NEK7: variants seen among roughly 807,000 people sequenced by gnomAD.
NEK7 encodes serine/threonine-protein kinase Nek7.
A neutral mutation model predicts 44.6 loss-of-function variants in NEK7; 18 were observed. The observed-to-expected ratio is 0.40, with a 90% CI of 0.28 to 0.60. The LOEUF is 0.60. NEK7 is among the 20% of genes least tolerant of loss of function. The pLI, the probability that NEK7 is intolerant of heterozygous loss-of-function variation, is 0.38. For synonymous variants in NEK7, 130 were observed against 121.1 expected, an observed-to-expected ratio of 1.07 and a Z score of -0.48; for missense variants, 256 against 366.5, an observed-to-expected ratio of 0.70 and a Z score of 2.46.
intron 7 of NEK7, among the ~76,000 whole-genome samples, chr1:198,287,583 T>A (rs74385033): frequency 0.028 from 4,244 of 152,302 alleles, 196 homozygotes; most frequent in African/African-American, 0.096. Flanking sequence ...CATTTACTTT[T>A]CAAGGGAGAA....
chr1:198,286,068 C>G (rs1654358178), intron 7 of NEK7, among the ~76,000 whole-genome samples: 1 of 152,118 alleles, frequency 6.6e-6, no homozygotes, highest in Admixed American at 6.5e-5. Flanking sequence ...GCAGTTATCC[C>G]TGCTGGACTT....
At chr1:198,280,100 A>T (rs1035481207) in intron 7 of NEK7, among the ~76,000 whole-genome samples, 2 of 152,042 alleles carry the variant, frequency 1.3e-5, no homozygotes, top group African/African-American at 4.8e-5. Flanking sequence ...ATTTATTTTC[A>T]TAGAGCGTTA....
At chr1:198,178,690 TTG>T (rs1664674698) in intron 1 of NEK7, among the ~76,000 whole-genome samples, 2 of 144,692 alleles carry the variant, frequency 1.4e-5, no homozygotes, top group East Asian at 2.0e-4. Flanking sequence ...CCATTTTTTG[TTG>T]TTGTTGTTGT....
chr1:198,314,048 TC>T (rs972178032), intron 9 of NEK7, among the ~76,000 whole-genome samples: 50 of 152,138 alleles, frequency 3.3e-4, no homozygotes, highest in Non-Finnish European at 6.2e-4. Flanking sequence ...GGTTCCATTC[TC>T]CCCGTCACTT....
intron 1 of NEK7, among the ~76,000 whole-genome samples, chr1:198,186,506 A>G (rs1234343325): frequency 2.0e-5 from 3 of 152,188 alleles, no homozygotes; most frequent in Non-Finnish European, 2.9e-5. Context: ...GATTGCCTAC[A>G]TAACTAGCTA....
chr1:198,306,623 A>G (rs533710639), intron 9 of NEK7, among the ~76,000 whole-genome samples: 2 of 152,234 alleles, frequency 1.3e-5, no homozygotes, highest in Admixed American at 1.3e-4. Flanking sequence ...ATTCATTAAA[A>G]GAAGAAGGTG....
chr1:198,179,800 T>A (rs1217338634), intron 1 of NEK7, among the ~76,000 whole-genome samples: 1 of 44,096 alleles, frequency 2.3e-5, no homozygotes, highest in East Asian at 0.021. Flanking sequence ...TACACAGGAG[T>A]GTGTGTGTGT....
At chr1:198,313,911 TTG>T (rs1308403090) in intron 9 of NEK7, among the ~76,000 whole-genome samples, 1 of 152,094 alleles carries the variant, frequency 6.6e-6, no homozygotes, top group Non-Finnish European at 1.5e-5. Flanking sequence ...ATTATGTGTC[TTG>T]GAGTTGCTCT....
chr1:198,222,590 C>T (rs1666101751), intron 1 of NEK7, among the ~76,000 whole-genome samples: 1 of 152,124 alleles, frequency 6.6e-6, no homozygotes, highest in East Asian at 1.9e-4. Context: ...TTTTCCATCA[C>T]CCACCATATC....
intron 9 of NEK7, among the ~76,000 whole-genome samples, chr1:198,303,816 T>C (rs1429675932): frequency 6.6e-6 from 1 of 152,248 alleles, no homozygotes; most frequent in South Asian, 2.1e-4. Flanking sequence ...AACCATGTAA[T>C]CAAATGCTGA....
At chr1:198,250,887 A>C (rs936920646) in intron 2 of NEK7, among the ~76,000 whole-genome samples, 4 of 151,886 alleles carry the variant, frequency 2.6e-5, no homozygotes, top group African/African-American at 9.7e-5. Context: ...TCTCCTGCCT[A>C]ATTGCCCTGG....
intron 1 of NEK7, among the ~76,000 whole-genome samples, chr1:198,178,217 GA>G (rs1186782653): frequency 6.6e-6 from 1 of 151,994 alleles, no homozygotes; most frequent in African/African-American, 2.4e-5. Flanking sequence ...CTAAATAAGA[GA>G]AAGAACAACT....
chr1:198,257,619 A>T (rs1488245792), intron 3 of NEK7, among the ~76,000 whole-genome samples: 1 of 152,166 alleles, frequency 6.6e-6, no homozygotes, highest in Non-Finnish European at 1.5e-5. Context: ...TCCAATTGTT[A>T]TTTGAATAAA....
intron 1 of NEK7, among the ~76,000 whole-genome samples, chr1:198,175,717 C>T (rs1664585716): frequency 6.6e-6 from 1 of 152,142 alleles, no homozygotes; most frequent in African/African-American, 2.4e-5. Flanking sequence ...CCACAGTTAA[C>T]CTAAACAAAT....
At chr1:198,206,010 T>A (rs1337219614) in intron 1 of NEK7, among the ~76,000 whole-genome samples, 1 of 152,204 alleles carries the variant, frequency 6.6e-6, no homozygotes, top group Non-Finnish European at 1.5e-5. Flanking sequence ...TATTATTTAT[T>A]GTCTTAATTT....
chr1:198,303,911 A>G (rs747721867), intron 9 of NEK7, among the ~76,000 whole-genome samples: 32 of 152,150 alleles, frequency 2.1e-4, no homozygotes, highest in Non-Finnish European at 4.6e-4. Flanking sequence ...TATTAAAATT[A>G]ACAGTATTAT....
At chr1:198,163,229 A>G (rs1203655573) in intron 1 of NEK7, among the ~76,000 whole-genome samples, 1 of 152,200 alleles carries the variant, frequency 6.6e-6, no homozygotes, top group Admixed American at 6.5e-5. Context: ...ACAGTGGCTC[A>G]TACTTGTAGT....
chr1:198,293,081 C>T, intron 8 of NEK7, 42 bp downstream of exon 8: 1 of 1,020,804 alleles, frequency 9.8e-7, no homozygotes, highest in East Asian at 2.4e-5. Flanking sequence ...TGCAGTTTTA[C>T]TTAGTATATT....
At chr1:198,181,415 A>G (rs760785675) in intron 1 of NEK7, among the ~76,000 whole-genome samples, 2 of 152,132 alleles carry the variant, frequency 1.3e-5, no homozygotes, top group Non-Finnish European at 2.9e-5. Context: ...CTCTCAATGT[A>G]TACAGCATGA....
Sources: gnomAD v4.1 joint callset for allele counts (sites outside exome capture counted in the v4.1 genomes callset) on GRCh38, gnomAD v4.1.1 for gene constraint, MANE v1.5 for transcripts, NCBI Gene and HGNC (gene_info 2026-07-23, HGNC 2026-07-21) for gene names.